DAB1: variants seen among roughly 807,000 people sequenced by gnomAD.
DAB1 encodes the protein DAB adaptor protein 1, also known as disabled homolog 1.
A neutral mutation model predicts 64.6 loss-of-function variants in DAB1; 15 were observed. The ratio of observed to expected loss-of-function variants is 0.23; its 90% confidence interval spans 0.16 to 0.36. The LOEUF (loss-of-function observed/expected upper bound fraction) is 0.36, where lower values mean the gene tolerates loss of function less well. Ranked by LOEUF, DAB1 falls within the 10% of genes least tolerant of loss-of-function variation. DAB1 has a pLI of 1.00. For synonymous variants in DAB1, 235 were observed against 251.9 expected (o/e 0.93, Z 0.64); for missense variants, 596 against 706.7 (o/e 0.84, Z 1.78).
At chr1:57,170,429 C>T (rs1230442177) in intron 2 of DAB1, among the ~76,000 whole-genome samples, 1 of 152,094 alleles carries the variant, frequency 6.6e-6, no homozygotes, top group African/African-American at 2.4e-5. Context: ...AAATGTGACA[C>T]ATAAGAGATG....
rs553138367 is a variant in DAB1, at chr1:57,700,950, A to G, written n.552-51285T>C. Among the ~76,000 whole-genome samples the G allele has an allele frequency of 2.3e-4, 35 of 152,330 alleles. 1 individual carries two copies. Among genetic ancestry groups the G allele is most frequent in the Middle Eastern group, 6.8e-3 (2 of 294 alleles). The stretch of plus-strand genomic sequence containing the variant: ...TTTATGCAGCCAAAAAACACAGGAA[A>G]AAATGCTCACCATCACTGGCCATCA... On this transcript the variant is annotated intron_variant and non_coding_transcript_variant, in intron 6 of 20. Coordinates refer to the DAB1 transcript ENST00000485760.
intron 5 of DAB1, among the ~76,000 whole-genome samples, chr1:57,913,110 A>T (rs1644672692): frequency 6.6e-6 from 1 of 152,180 alleles, no homozygotes; most frequent in South Asian, 2.1e-4. Flanking sequence ...GTTCATATGG[A>T]ACCAAAAAAG....
chr1:58,300,584 GAAAGAAAGAAAGAAAGAAAGAA>G (rs1662108506), intron 4 of DAB1, among the ~76,000 whole-genome samples: 1 of 22,566 alleles, frequency 4.4e-5, no homozygotes, highest in Non-Finnish European at 1.0e-4. Flanking sequence ...AAGAAAGAAA[GAAAGAAAGAAAGAAAGAAAGAA>G]AGAAAGAGAG....
Position 58,278,597 on chromosome 1 carries a change from G to C in DAB1, n.309+64755C>G, listed in dbSNP as rs1428943153. ...TCTCTTACTAGGCAGGGCTAGAAGAGTGTGACCCTTTATTTGGGATACAGA... is the reference window on the plus strand; with the variant it reads ...TCTCTTACTAGGCAGGGCTAGAAGACTGTGACCCTTTATTTGGGATACAGA... On this transcript the variant is annotated intron_variant and non_coding_transcript_variant, in intron 4 of 20. Transcript: ENST00000485760. Among the ~76,000 whole-genome samples the C allele has an allele frequency of 8.9e-5, 2 of 22,588 alleles. 1 individual carries two copies. Among genetic ancestry groups the C allele is most frequent in the African/African-American group, 2.6e-4 (2 of 7,606 alleles). 14.8% of individuals were successfully genotyped at this position (22,588 alleles called of 152,430 possible).
intron 7 of DAB1, among the ~76,000 whole-genome samples, chr1:57,498,768 G>A (rs1160702549): frequency 1.3e-5 from 2 of 152,204 alleles, no homozygotes; most frequent in Non-Finnish European, 1.5e-5. Flanking sequence ...GGTGGGAGAT[G>A]TGAGGGTCTC....
intron 1 of DAB1, among the ~76,000 whole-genome samples, chr1:57,337,099 GTC>G (rs1158776889): frequency 8.5e-5 from 13 of 152,210 alleles, no homozygotes; most frequent in Non-Finnish European, 1.8e-4. Flanking sequence ...GCACTTGAAT[GTC>G]TCTACCTAGA....
At chr1:58,527,176 T>C in intron 2 of DAB1, 1 of 792,632 alleles carries the variant, frequency 1.3e-6, no homozygotes, top group South Asian at 1.4e-5. Context: ...CATTCTCTGC[T>C]TATGCCAAGC....
chr1:57,190,238 C>A (rs1664005096), intron 2 of DAB1, among the ~76,000 whole-genome samples: 1 of 152,086 alleles, frequency 6.6e-6, no homozygotes, highest in South Asian at 2.1e-4. Flanking sequence ...GTCTGGGGAC[C>A]ATACTTTGAG....
intron 3 of DAB1, among the ~76,000 whole-genome samples, chr1:58,457,638 T>A (rs947646179): frequency 2.4e-4 from 36 of 152,214 alleles, no homozygotes; most frequent in African/African-American, 8.7e-4. Context: ...GGCCTCCCTG[T>A]CATGGAGTCT....
intron 7 of DAB1, among the ~76,000 whole-genome samples, chr1:57,590,468 C>G (rs777122500): frequency 6.6e-6 from 1 of 151,796 alleles, no homozygotes; most frequent in Non-Finnish European, 1.5e-5. Context: ...TACAGGCACA[C>G]GTCACCATGC....
At chr1:57,412,783 A>T (rs542906348) in intron 1 of DAB1, among the ~76,000 whole-genome samples, 3 of 152,364 alleles carry the variant, frequency 2.0e-5, no homozygotes, top group South Asian at 2.1e-4. Context: ...CCATCACATG[A>T]AAGTGCAAGG....
intron 1 of DAB1, among the ~76,000 whole-genome samples, chr1:57,377,555 C>T (rs1681009597): frequency 6.6e-6 from 1 of 152,090 alleles, no homozygotes; most frequent in Non-Finnish European, 1.5e-5. Flanking sequence ...GCTACTGTGG[C>T]CAAGGGTATA....
intron 1 of DAB1, among the ~76,000 whole-genome samples, chr1:57,882,585 T>G (rs1159256401): frequency 6.6e-6 from 1 of 152,196 alleles, no homozygotes; most frequent in Non-Finnish European, 1.5e-5. Flanking sequence ...CAGATAGAGT[T>G]GGCCTTTAAT....
At chr1:58,504,786 T>C (rs930166769) in intron 3 of DAB1, among the ~76,000 whole-genome samples, 1 of 152,230 alleles carries the variant, frequency 6.6e-6, no homozygotes, top group Non-Finnish European at 1.5e-5. Context: ...ATTTTTCTTA[T>C]GATAAATCAT....
At chr1:58,280,191 C>G (rs1661525271) in intron 4 of DAB1, among the ~76,000 whole-genome samples, 1 of 152,172 alleles carries the variant, frequency 6.6e-6, no homozygotes, top group African/African-American at 2.4e-5. Context: ...ACAGGAGGCT[C>G]CCACCTCCTG....
intron 7 of DAB1, among the ~76,000 whole-genome samples, chr1:57,436,063 C>A (rs1418738059): frequency 2.0e-5 from 3 of 151,736 alleles, no homozygotes; most frequent in Non-Finnish European, 4.4e-5. Context: ...ACTACAGGCA[C>A]CCGCCACCAA....
rs563028351 is a variant in DAB1 at position 57,043,795 on chromosome 1, C to T, written c.724-17752G>A. Among the ~76,000 whole-genome samples the T allele has an allele frequency of 2.0e-5, 3 of 151,552 alleles. No homozygotes were observed. The East Asian group carries it at 5.8e-4, about 29-fold the overall frequency. On this transcript the variant is annotated intron_variant, in intron 9 of 14. Transcript: ENST00000371236. Reference sequence around the variant, plus strand: ...CCAGGAGATGGAGGTTACAGTGAGCCGAGATTGCACCACTCCACTCCAGCC... The same window carrying T: ...CCAGGAGATGGAGGTTACAGTGAGCTGAGATTGCACCACTCCACTCCAGCC...
chr1:57,111,789 C>T (rs1343086258), intron 4 of DAB1, among the ~76,000 whole-genome samples: 1 of 152,158 alleles, frequency 6.6e-6, no homozygotes, highest in Non-Finnish European at 1.5e-5. Context: ...GTCTTATTCA[C>T]TCAGTGCTGA....
chr1:58,180,859 C>T (rs938097501), intron 4 of DAB1, among the ~76,000 whole-genome samples: 2 of 152,092 alleles, frequency 1.3e-5, no homozygotes, highest in African/African-American at 4.8e-5. Context: ...CAATTATTTT[C>T]AATTTATTGA....
Sources: gnomAD v4.1 joint callset for allele counts (sites outside exome capture counted in the v4.1 genomes callset) on GRCh38, gnomAD v4.1.1 for gene constraint, MANE v1.5 for transcripts, NCBI Gene and HGNC (gene_info 2026-07-23, HGNC 2026-07-21) for gene names.